The following ZEB1 variants were observed in gnomAD, a reference collection of about 807,000 sequenced individuals.
ZEB1 encodes zinc finger E-box binding homeobox 1.
In ZEB1, 21 loss-of-function variants were observed where a neutral mutation model predicts 84.9. The observed-to-expected ratio is 0.25, with a 90% CI of 0.18 to 0.36. ZEB1 has a LOEUF of 0.36. ZEB1 is among the 10% of genes least tolerant of loss of function. ZEB1 has a pLI of 1.00. For synonymous variants in ZEB1, 420 were observed against 471.1 expected (o/e 0.89, Z 1.41); for missense variants, 1,104 against 1,330.2 (o/e 0.83, Z 2.65).
At chr10:31,341,976 G>A (rs2039457480) in intron 1 of ZEB1, among the ~76,000 whole-genome samples, 1 of 152,158 alleles carries the variant, frequency 6.6e-6, no homozygotes, top group African/African-American at 2.4e-5. Context: ...GGGAAACCAA[G>A]TTGTTTGAAG....
chr10:31,476,229 A>C (rs542577868), intron 2 of ZEB1, among the ~76,000 whole-genome samples: 1 of 152,064 alleles, frequency 6.6e-6, no homozygotes, highest in African/African-American at 2.4e-5. Context: ...TTAATGAAGA[A>C]AAAAGAGAGA....
At chr10:31,456,374 G>A (rs1307705926) in intron 1 of ZEB1, among the ~76,000 whole-genome samples, 4 of 152,060 alleles carry the variant, frequency 2.6e-5, no homozygotes, top group African/African-American at 9.6e-5. Context: ...CACGTTCTGC[G>A]ATGTACCCCA....
At chr10:31,442,561 T>C (rs2059155852) in intron 1 of ZEB1, among the ~76,000 whole-genome samples, 1 of 140,186 alleles carries the variant, frequency 7.1e-6, no homozygotes, top group African/African-American at 3.1e-5. Flanking sequence ...AGTATAATAA[T>C]AATAATAAAA....
At chr10:31,324,950 A>G (rs866570194) in intron 1 of ZEB1, among the ~76,000 whole-genome samples, 27 of 152,210 alleles carry the variant, frequency 1.8e-4, no homozygotes, top group African/African-American at 6.3e-4. Context: ...GCATTGCCAT[A>G]TAAACTAATC....
intron 1 of ZEB1, chr10:31,387,299 G>A (rs1564678002): frequency 1.0e-6 from 1 of 985,646 alleles, no homozygotes. Context: ...ACACTCGTGG[G>A]CCCAGGCTCC....
intron 1 of ZEB1, among the ~76,000 whole-genome samples, chr10:31,335,385 C>T (rs1445727765): frequency 6.6e-6 from 1 of 151,986 alleles, no homozygotes; most frequent in Admixed American, 6.6e-5. Context: ...AAACGTATGC[C>T]CTGTTGATAA....
intron 2 of ZEB1, among the ~76,000 whole-genome samples, chr10:31,481,859 G>A (rs542826712): frequency 6.6e-6 from 1 of 152,052 alleles, no homozygotes; most frequent in Admixed American, 6.6e-5. Context: ...GGAGGGAAAG[G>A]ACAGGTCTTC....
rs568310620 is a variant in ZEB1, at chr10:31,522,495, T to C, written c.2604+559T>C. Among the ~76,000 whole-genome samples, 8 of 152,350 alleles carry C rather than the reference T, an allele frequency of 5.3e-5. No individual in the cohort carries two copies. In the South Asian group the frequency reaches 1.5e-3, roughly 28 times the overall value. ...GTGCATAAACAGTGTTCAGTCATAA[T>C]GTATATGAGGAAGTGTGGCTGTGAA... is the stretch of plus-strand genomic sequence containing the variant. On this transcript the variant is annotated intron_variant, in intron 7 of 8. Coordinates refer to ENST00000424869, the MANE Select transcript of ZEB1 (RefSeq NM_001174096.2).
intron 1 of ZEB1, among the ~76,000 whole-genome samples, chr10:31,417,271 T>C (rs1323542796): frequency 6.6e-6 from 1 of 152,146 alleles, no homozygotes. Flanking sequence ...ACAATGTGTG[T>C]CTGTTCCCAC....
intron 7 of ZEB1, 133 bp downstream of exon 7, chr10:31,522,069 A>G (rs1035183508): frequency 8.7e-6 from 12 of 1,375,718 alleles, no homozygotes; most frequent in South Asian, 2.6e-5. Context: ...AAAAGGATCA[A>G]TGTTTGCTTT....
chr10:31,476,242 A>G (rs1169918111), intron 2 of ZEB1, among the ~76,000 whole-genome samples: 2 of 152,040 alleles, frequency 1.3e-5, no homozygotes, highest in Admixed American at 1.3e-4. Flanking sequence ...AAGAGAGAAA[A>G]TTCAAGTAAG....
chr10:31,336,770 A>G (rs2038169892), intron 1 of ZEB1, among the ~76,000 whole-genome samples: 1 of 152,160 alleles, frequency 6.6e-6, no homozygotes, highest in Non-Finnish European at 1.5e-5. Context: ...AATTAAAACC[A>G]CGTTAAGAAG....
At chr10:31,375,291 A>G (rs2046435357) in intron 1 of ZEB1, among the ~76,000 whole-genome samples, 1 of 151,800 alleles carries the variant, frequency 6.6e-6, no homozygotes, top group African/African-American at 2.4e-5. Flanking sequence ...TGTCAGTGCT[A>G]GGAGAAAGAT....
intron 3 of ZEB1, among the ~76,000 whole-genome samples, chr10:31,501,562 A>G (rs2068126031): frequency 2.0e-5 from 3 of 152,212 alleles, no homozygotes; most frequent in South Asian, 2.1e-4. Context: ...AAGAAATCAT[A>G]TAACTGAACT....
rs143542961 is a variant in ZEB1, at chr10:31,521,079, T to G, written c.1747T>G (p.Leu583Val). Residue 583 changes from leucine to valine, a missense_variant, in exon 7 of 9, where the codon TTG becomes GTG. Transcript: ENST00000424869. ...TTCATCAGCTACTGGAGATGGCAAT[T>G]TGTCTCCTAGTCAGCCACCTTTAAA... ...SVSSATGDGN[L>V]SPSQPPLKNL... 5.8e-5 allele frequency: 93 copies of G among 1,614,086 alleles called. 1 individual carries two copies. In the African/African-American group the frequency reaches 1.1e-3, roughly 19 times the overall value.
chr10:31,369,030 T>G (rs1459924585), intron 1 of ZEB1, among the ~76,000 whole-genome samples: 1 of 152,220 alleles, frequency 6.6e-6, no homozygotes, highest in East Asian at 1.9e-4. Context: ...TACAACTAAA[T>G]CTAAAGTGTT....
At chr10:31,405,066 G>A (rs2052725360) in intron 1 of ZEB1, among the ~76,000 whole-genome samples, 1 of 152,134 alleles carries the variant, frequency 6.6e-6, no homozygotes, top group African/African-American at 2.4e-5. Flanking sequence ...AGCCTGTTCT[G>A]CAGATGAGAA....
At chr10:31,451,399 GA>G (rs2060549970) in intron 1 of ZEB1, among the ~76,000 whole-genome samples, 1 of 152,074 alleles carries the variant, frequency 6.6e-6, no homozygotes, top group African/African-American at 2.4e-5. Context: ...CTTTTGGACT[GA>G]TATATCAATT....
At position 31,520,935 on chromosome 10, in the gene ZEB1, T is replaced by C; in HGVS notation, c.1603T>C (p.Cys535Arg). Reference sequence around the variant, plus strand: ...GGTGAATGATAGCACTTGTCTTCTGTGTGATGATTGTCCAGGAGATATTAA... The same window carrying C: ...GGTGAATGATAGCACTTGTCTTCTGCGTGATGATTGTCCAGGAGATATTAA... ...GGVNDSTCLL[C>R]DDCPGDINAL... is the part of the protein sequence containing the mutation. The change falls in exon 7 of 9, where the codon TGT becomes CGT. Residue 535 changes from cysteine to arginine, a missense_variant. Cys to Arg is a radical substitution (Grantham distance 180). This residue lies in a region of ZEB1 where 531 missense variants were observed against 575.2 expected (regional missense o/e 0.92). Coordinates refer to ENST00000424869, the MANE Select transcript of ZEB1 (RefSeq NM_001174096.2). This position sits in a 1 kb window ranked among gnomAD's most constrained non-coding sequence, Gnocchi z 5.1. 1 of 1,614,130 alleles carries C rather than the reference T, an allele frequency of 6.2e-7. No homozygotes were observed. The highest frequency in any genetic ancestry group is 8.5e-7 in the Non-Finnish European group (1 of 1,180,020).
Sources: gnomAD v4.1 joint callset for allele counts (sites outside exome capture counted in the v4.1 genomes callset) on GRCh38, gnomAD v4.1.1 for gene constraint, gnomAD v4.1.1 regional missense constraint, Gnocchi (gnomAD v3.1) non-coding constraint, MANE v1.5 for transcripts, NCBI Gene and HGNC (gene_info 2026-07-23, HGNC 2026-07-21) for gene names.